Variants in TCF12 observed in about 807,000 individuals in gnomAD.
TCF12 encodes transcription factor 12.
In TCF12, 45 loss-of-function variants were observed where a neutral mutation model predicts 86.0. That is an observed-to-expected ratio of 0.52 (90% confidence interval 0.41 to 0.67). The LOEUF is 0.67. TCF12 is among the 30% of genes least tolerant of loss of function. The pLI is 0.00. For synonymous variants in TCF12, 330 were observed against 299.6 expected, an observed-to-expected ratio of 1.10 and a Z score of -1.05; for missense variants, 881 against 859.9, an observed-to-expected ratio of 1.02 and a Z score of -0.31.
chr15:57,107,744 A>G lies in TCF12; in HGVS notation c.325+15853A>G, dbSNP rs543489160. ...TACAAAATAATTAATAATAATAATAATAAAATTTTAAGAAATGAGCTGGGT... is the reference window on the plus strand; with the variant it reads ...TACAAAATAATTAATAATAATAATAGTAAAATTTTAAGAAATGAGCTGGGT... On this transcript the variant is annotated intron_variant, in intron 5 of 20. Coordinates refer to ENST00000333725, the MANE Select transcript of TCF12 (RefSeq NM_207037.2). Among the ~76,000 whole-genome samples the G allele has an allele frequency of 2.0e-5, 3 of 151,974 alleles. No individual in the cohort carries two copies. The South Asian group carries it at 6.2e-4, about 32-fold the overall frequency.
chr15:57,194,449 G>T (rs780941303), intron 7 of TCF12, among the ~76,000 whole-genome samples: 3 of 152,146 alleles, frequency 2.0e-5, no homozygotes, highest in African/African-American at 7.2e-5. Context: ...ATGTCATTTA[G>T]TGGGTTCTTA....
At chr15:57,290,666 C>T (rs906242041), downstream of TCF12, among the ~76,000 whole-genome samples, 43 of 152,120 alleles carry the variant, frequency 2.8e-4, no homozygotes, top group Admixed American at 2.6e-3. Flanking sequence ...CAAAGATTGC[C>T]GGTGAAGGAG....
intron 3 of TCF12, among the ~76,000 whole-genome samples, chr15:56,981,531 G>A (rs1306248106): frequency 6.6e-6 from 1 of 152,040 alleles, no homozygotes; most frequent in African/African-American, 2.4e-5. Context: ...GTGGCATTGG[G>A]GATTAAGTTT....
At chr15:57,267,708 A>G (rs949248437) in intron 18 of TCF12, among the ~76,000 whole-genome samples, 5 of 152,332 alleles carry the variant, frequency 3.3e-5, no homozygotes, top group African/African-American at 7.2e-5. Context: ...TTGCTGACCC[A>G]TATTATAGGT....
intron 2 of TCF12, among the ~76,000 whole-genome samples, 192 bp downstream of exon 2, chr15:56,920,180 A>G (rs564034872): frequency 3.9e-5 from 6 of 152,268 alleles, no homozygotes; most frequent in African/African-American, 1.4e-4. Context: ...CTGAACTTTG[A>G]TGTAATGTCT....
intron 8 of TCF12, among the ~76,000 whole-genome samples, chr15:57,223,657 T>G (rs868670031): frequency 3.0e-5 from 4 of 135,128 alleles, no homozygotes; most frequent in African/African-American, 7.6e-5. Flanking sequence ...TTTTTTTTTT[T>G]TTTTTTTTTT....
intron 3 of TCF12, among the ~76,000 whole-genome samples, chr15:57,061,639 A>G (rs1567341962): frequency 1.3e-5 from 2 of 152,170 alleles, no homozygotes; most frequent in African/African-American, 2.4e-5. Flanking sequence ...CATAAGCCTC[A>G]TATTTATTAG....
At chr15:56,960,241 C>T (rs976464197) in intron 3 of TCF12, among the ~76,000 whole-genome samples, 46 of 152,138 alleles carry the variant, frequency 3.0e-4, no homozygotes, top group African/African-American at 1.1e-3. Context: ...ATAGTGATTT[C>T]ATTAATACCT....
At chr15:57,026,829 G>T (rs1433915990) in intron 3 of TCF12, among the ~76,000 whole-genome samples, 1 of 152,120 alleles carries the variant, frequency 6.6e-6, no homozygotes, top group East Asian at 1.9e-4. Flanking sequence ...GATGCTGAAG[G>T]CCTTTATATA....
intron 7 of TCF12, 33 bp from the exon 8 acceptor site, chr15:57,197,740 A>T: frequency 6.2e-7 from 1 of 1,610,404 alleles, no homozygotes; most frequent in Non-Finnish European, 8.5e-7. Context: ...CTGGTATATT[A>T]TGCTGAAGAA....
chr15:56,973,250 A>G (rs1341442534), intron 3 of TCF12, among the ~76,000 whole-genome samples: 1 of 152,128 alleles, frequency 6.6e-6, no homozygotes, highest in Non-Finnish European at 1.5e-5. Flanking sequence ...ATGAATGTGT[A>G]TGTATGAGTA....
At chr15:57,196,884 A>G (rs1309424469) in intron 7 of TCF12, among the ~76,000 whole-genome samples, 1 of 152,190 alleles carries the variant, frequency 6.6e-6, no homozygotes, top group Non-Finnish European at 1.5e-5. Context: ...GTCAATGCCC[A>G]TATTTAATAG....
chr15:57,082,605 T>C (rs2048381146), intron 4 of TCF12, among the ~76,000 whole-genome samples: 1 of 152,214 alleles, frequency 6.6e-6, no homozygotes, highest in African/African-American at 2.4e-5. Flanking sequence ...CTTTTTATCA[T>C]TTGGGAAGTG....
At chr15:56,999,500 A>G (rs1360266356) in intron 3 of TCF12, among the ~76,000 whole-genome samples, 2 of 152,190 alleles carry the variant, frequency 1.3e-5, no homozygotes, top group African/African-American at 4.8e-5. Context: ...ACTTAGGTGA[A>G]ATAGACTAAT....
rs963402525 is a variant in TCF12, at chr15:56,940,898, G to A, written c.148+19800G>A. ...GGCCTCCTGAGGATAACAGGTGTGC[G>A]TGACCATGCCCAGCTGCTCTTTTTT... On this transcript the variant is annotated intron_variant, in intron 3 of 20. Coordinates refer to ENST00000333725, the MANE Select transcript of TCF12 (RefSeq NM_207037.2). Among the ~76,000 whole-genome samples the A allele has an allele frequency of 2.7e-5, 4 of 149,356 alleles. No individual in the cohort carries two copies. In the East Asian group the frequency reaches 6.0e-4, roughly 22 times the overall value.
At position 56,998,925 on chromosome 15, in the gene TCF12, G is replaced by A. The variant is rs572160287; in HGVS notation, c.149-64825G>A. 8.5e-5 allele frequency among the ~76,000 whole-genome samples: 13 copies of A among 152,226 alleles called. 1 individual carries two copies. The South Asian group carries it at 2.3e-3, about 27-fold the overall frequency. ...ACTTAGAAATTAGACATGGCTGGGC[G>A]CGGTGGCTCATGCCTGTAATCCTAG... On this transcript the variant is annotated intron_variant, in intron 3 of 20. Coordinates refer to ENST00000333725, the MANE Select transcript of TCF12 (RefSeq NM_207037.2).
intron 4 of TCF12, among the ~76,000 whole-genome samples, chr15:57,071,941 G>C (rs2069426959): frequency 6.6e-6 from 1 of 152,110 alleles, no homozygotes; most frequent in South Asian, 2.1e-4. Context: ...TTACTTTGTG[G>C]GAAAATAGTA....
At chr15:57,172,326 G>A (rs2055572062) in intron 6 of TCF12, among the ~76,000 whole-genome samples, 1 of 152,166 alleles carries the variant, frequency 6.6e-6, no homozygotes, top group Non-Finnish European at 1.5e-5. Flanking sequence ...TTAGCAGTTT[G>A]CAGAATAACT....
intron 3 of TCF12, among the ~76,000 whole-genome samples, chr15:56,946,783 G>A (rs1221416108): frequency 2.1e-5 from 3 of 144,004 alleles, no homozygotes; most frequent in African/African-American, 4.9e-5. Flanking sequence ...GCTTTTGTGA[G>A]TGAGTCTAAA....
Sources: allele counts gnomAD v4.1 joint callset (sites outside exome capture counted in the v4.1 genomes callset), GRCh38; gene constraint gnomAD v4.1.1; transcripts MANE v1.5; gene names NCBI Gene and HGNC (gene_info 2026-07-23, HGNC 2026-07-21).